The following CTNNA2 variants were observed in gnomAD, a reference collection of about 807,000 sequenced individuals.
The protein encoded by CTNNA2 is catenin alpha-2.
Under a neutral mutation model 101.0 loss-of-function variants are expected in CTNNA2, and 42 were observed. The observed-to-expected ratio is 0.42, with a 90% CI of 0.32 to 0.54. The LOEUF (loss-of-function observed/expected upper bound fraction) is 0.54. Among genes scored for constraint, CTNNA2 ranks in the 20% least tolerant of loss-of-function variants. The pLI, the probability that CTNNA2 is intolerant of heterozygous loss-of-function variation, is 0.14. For synonymous variants in CTNNA2, 450 were observed against 456.4 expected (o/e 0.99, Z 0.18); for missense variants, 871 against 1,223.1 (o/e 0.71, Z 4.29).
intron 4 of CTNNA2, among the ~76,000 whole-genome samples, chr2:79,858,685 G>C (rs1184810742): frequency 7.2e-5 from 11 of 152,004 alleles, no homozygotes; most frequent in Non-Finnish European, 1.6e-4. Flanking sequence ...ATAAAAAGGG[G>C]CCCCATCCAC....
intron 4 of CTNNA2, among the ~76,000 whole-genome samples, chr2:79,406,399 A>G (rs1335496655): frequency 1.3e-5 from 2 of 152,050 alleles, no homozygotes; most frequent in African/African-American, 2.4e-5. Context: ...AAAGTCCAAA[A>G]ATTCCTCCAC....
At chr2:79,698,379 A>G (rs1684778416) in intron 2 of CTNNA2, among the ~76,000 whole-genome samples, 1 of 152,044 alleles carries the variant, frequency 6.6e-6, no homozygotes, top group South Asian at 2.1e-4. Flanking sequence ...AGGAGAAAAA[A>G]CAGAACTTGA....
intron 4 of CTNNA2, among the ~76,000 whole-genome samples, chr2:79,439,218 T>C (rs1678750977): frequency 6.6e-6 from 1 of 152,224 alleles, no homozygotes; most frequent in Non-Finnish European, 1.5e-5. Context: ...ATTCATTCAA[T>C]GCAGTATTTT....
At chr2:79,975,930 G>A (rs1048121215) in intron 7 of CTNNA2, among the ~76,000 whole-genome samples, 5 of 152,114 alleles carry the variant, frequency 3.3e-5, no homozygotes, top group East Asian at 1.9e-4. Context: ...TTAGTGAGGC[G>A]CCCAACCTTC....
intron 7 of CTNNA2, among the ~76,000 whole-genome samples, chr2:80,152,852 T>A (rs1703789670): frequency 6.6e-6 from 1 of 152,202 alleles, no homozygotes; most frequent in African/African-American, 2.4e-5. Flanking sequence ...CAGAAATCTT[T>A]GGACATGATT....
At chr2:80,512,446 G>C (rs929217293) in intron 9 of CTNNA2, among the ~76,000 whole-genome samples, 4 of 152,056 alleles carry the variant, frequency 2.6e-5, no homozygotes, top group African/African-American at 9.7e-5. Context: ...AAAGATAAAC[G>C]TTCAGACTAT....
intron 7 of CTNNA2, among the ~76,000 whole-genome samples, chr2:80,307,460 T>C (rs565929137): frequency 3.3e-5 from 5 of 152,052 alleles, no homozygotes; most frequent in African/African-American, 1.2e-4. Context: ...AAGTGTCCAA[T>C]GAACTAAAAA....
intron 2 of CTNNA2, among the ~76,000 whole-genome samples, chr2:79,227,065 A>G (rs1392441516): frequency 6.6e-6 from 1 of 152,146 alleles, no homozygotes; most frequent in Non-Finnish European, 1.5e-5. Flanking sequence ...TAAAAATGAA[A>G]ATATACCTGG....
At chr2:79,511,106 T>TA (rs1049128159), upstream of CTNNA2, among the ~76,000 whole-genome samples, 3 of 152,214 alleles carry the variant, frequency 2.0e-5, no homozygotes, top group Non-Finnish European at 4.4e-5. Context: ...ATCATTTTTT[T>TA]AAAAAGTCAA....
intron 18 of CTNNA2, among the ~76,000 whole-genome samples, chr2:80,630,943 T>C (rs936613557): frequency 6.6e-6 from 1 of 152,130 alleles, no homozygotes; most frequent in Non-Finnish European, 1.5e-5. Flanking sequence ...TAAAAGAAAA[T>C]TGGAGAACTG....
chr2:79,964,482 G>T (rs971465375), intron 7 of CTNNA2, among the ~76,000 whole-genome samples: 3 of 151,858 alleles, frequency 2.0e-5, no homozygotes, highest in Non-Finnish European at 4.4e-5. Context: ...ATGAGAAAAA[G>T]AAGTCTTTAT....
intron 4 of CTNNA2, among the ~76,000 whole-genome samples, chr2:79,406,086 T>C (rs1678338236): frequency 6.6e-6 from 1 of 152,020 alleles, no homozygotes; most frequent in African/African-American, 2.4e-5. Flanking sequence ...AAGTTCAACA[T>C]GCTGCAAAAA....
chr2:79,926,019 T>C (rs904950647), intron 7 of CTNNA2, among the ~76,000 whole-genome samples: 2 of 152,150 alleles, frequency 1.3e-5, no homozygotes, highest in Admixed American at 6.6e-5. Flanking sequence ...TCTTTGCAGA[T>C]AGCAGACCTA....
Position 79,732,080 on chromosome 2 carries a change from A to G in CTNNA2, c.103-12307A>G, listed in dbSNP as rs1174412532. On this transcript the variant is annotated intron_variant, in intron 2 of 18. Coordinates refer to ENST00000402739, the MANE Select transcript of CTNNA2 (RefSeq NM_001282597.3). ...TTAAAATGTCTATACTAGTGTCATA[A>G]TTTACTAAAGCCATTAACTGACTGT... Among the ~76,000 whole-genome samples, 7 of 152,210 alleles carry G rather than the reference A, an allele frequency of 4.6e-5. No homozygotes were observed. The East Asian group carries it at 1.2e-3, about 25-fold the overall frequency.
intron 8 of CTNNA2, among the ~76,000 whole-genome samples, chr2:80,396,169 C>A (rs1272475052): frequency 1.3e-5 from 2 of 152,180 alleles, no homozygotes; most frequent in Non-Finnish European, 1.5e-5. Flanking sequence ...GTAAGTAGAA[C>A]TCCTCTCTTG....
At chr2:80,519,093 CA>C (rs1559175942) in intron 9 of CTNNA2, among the ~76,000 whole-genome samples, 1 of 151,906 alleles carries the variant, frequency 6.6e-6, no homozygotes, top group African/African-American at 2.4e-5. Context: ...TAAGGGAATA[CA>C]AGAATAAACA....
At chr2:80,544,752 C>T (rs1691889046) in intron 9 of CTNNA2, among the ~76,000 whole-genome samples, 1 of 152,166 alleles carries the variant, frequency 6.6e-6, no homozygotes, top group African/African-American at 2.4e-5. Flanking sequence ...CCTGTTAAAA[C>T]ACAACCTTGT....
intron 7 of CTNNA2, among the ~76,000 whole-genome samples, chr2:80,378,417 G>T (rs1204852733): frequency 6.7e-6 from 1 of 149,168 alleles, no homozygotes; most frequent in African/African-American, 2.5e-5. Flanking sequence ...TAACAGAGAA[G>T]ACATAATGTC....
intron 2 of CTNNA2, among the ~76,000 whole-genome samples, chr2:79,221,742 AG>A (rs763032641): frequency 3.5e-4 from 53 of 152,270 alleles, no homozygotes; most frequent in African/African-American, 1.2e-3. Flanking sequence ...TAGAGATAAA[AG>A]TTTGTATCTA....
Sources: gnomAD v4.1 joint callset for allele counts (sites outside exome capture counted in the v4.1 genomes callset) on GRCh38, gnomAD v4.1.1 for gene constraint, MANE v1.5 for transcripts, NCBI Gene and HGNC (gene_info 2026-07-23, HGNC 2026-07-21) for gene names.